CHN1: variants seen among roughly 807,000 people sequenced by gnomAD.
CHN1 encodes the protein chimerin 1.
A neutral mutation model predicts 59.5 loss-of-function variants in CHN1; 37 were observed. The observed-to-expected ratio is 0.62, with a 90% confidence interval of 0.48 to 0.82. The LOEUF is 0.82. CHN1 is among the 40% of genes least tolerant of loss of function. The probability of loss-of-function intolerance (pLI) is 0.00; values close to 1 mark genes in which losing one functional copy is unlikely to be tolerated. For missense variants in CHN1, 469 were observed against 571.0 expected (o/e 0.82, Z 1.82); for synonymous variants, 206 against 200.4 (o/e 1.03, Z -0.24).
chr2:174,855,066 T>A (rs553882954), intron 6 of CHN1, among the ~76,000 whole-genome samples: 1 of 152,308 alleles, frequency 6.6e-6, no homozygotes, highest in East Asian at 1.9e-4. Flanking sequence ...CCAATTATAC[T>A]CTTTTCCACA....
At chr2:174,835,205 G>T (rs911473647) in intron 7 of CHN1, among the ~76,000 whole-genome samples, 15 of 152,268 alleles carry the variant, frequency 9.9e-5, no homozygotes, top group African/African-American at 3.6e-4. Flanking sequence ...CCATCATAAG[G>T]TCAAAAATCA....
chr2:174,803,848 G>A (rs1286137409), intron 11 of CHN1, among the ~76,000 whole-genome samples: 1 of 152,076 alleles, frequency 6.6e-6, no homozygotes, highest in African/African-American at 2.4e-5. Context: ...ACCACTGCAC[G>A]CAGCTCTAGT....
At chr2:174,828,653 T>C (rs1360518727) in intron 7 of CHN1, among the ~76,000 whole-genome samples, 1 of 152,172 alleles carries the variant, frequency 6.6e-6, no homozygotes, top group East Asian at 1.9e-4. Flanking sequence ...AATGATGAAA[T>C]CTGAATACAA....
chr2:174,949,005 T>C (rs1689935543), intron 2 of CHN1, among the ~76,000 whole-genome samples: 1 of 152,186 alleles, frequency 6.6e-6, no homozygotes, highest in Non-Finnish European at 1.5e-5. Flanking sequence ...TTAAGGATAC[T>C]GAACAATGCC....
intron 6 of CHN1, among the ~76,000 whole-genome samples, chr2:174,866,113 G>A (rs1175634514): frequency 1.3e-5 from 2 of 152,176 alleles, no homozygotes; most frequent in East Asian, 3.8e-4. Context: ...TGCTTTTGAA[G>A]TGTTTCTATT....
intron 1 of CHN1, among the ~76,000 whole-genome samples, chr2:174,982,022 C>A (rs1212950591): frequency 1.3e-5 from 2 of 152,126 alleles, no homozygotes; most frequent in African/African-American, 4.8e-5. Flanking sequence ...GTTCAATTCC[C>A]ACCTATGAGT....
chr2:174,988,705 C>T (rs1574248308), intron 1 of CHN1, among the ~76,000 whole-genome samples: 1 of 152,098 alleles, frequency 6.6e-6, no homozygotes, highest in East Asian at 1.9e-4. Context: ...AGAAAACAGA[C>T]AGCATGTAAA....
At chr2:174,847,220 G>A in intron 6 of CHN1, 3 of 1,453,646 alleles carry the variant, frequency 2.1e-6, no homozygotes, top group South Asian at 3.1e-5. Context: ...CTGCCAGGCA[G>A]CACAGAACCC....
chr2:174,907,971 A>C (rs1688590201), intron 5 of CHN1, among the ~76,000 whole-genome samples: 1 of 152,228 alleles, frequency 6.6e-6, no homozygotes, highest in Non-Finnish European at 1.5e-5. Context: ...TCAATTACTA[A>C]AATTTTTCCA....
intron 6 of CHN1, among the ~76,000 whole-genome samples, chr2:174,875,188 T>A (rs972128679): frequency 2.0e-5 from 3 of 152,096 alleles, no homozygotes; most frequent in Non-Finnish European, 4.4e-5. Flanking sequence ...ATCAAACTTT[T>A]AAAAAAACTT....
At chr2:174,804,233 A>G (rs1684816645) in intron 11 of CHN1, among the ~76,000 whole-genome samples, 1 of 152,170 alleles carries the variant, frequency 6.6e-6, no homozygotes, top group South Asian at 2.1e-4. Flanking sequence ...GGAGCCATGC[A>G]GAGATCCTGA....
At chr2:174,998,935 T>C (rs1231416254) in intron 1 of CHN1, among the ~76,000 whole-genome samples, 1 of 152,182 alleles carries the variant, frequency 6.6e-6, no homozygotes, top group African/African-American at 2.4e-5. Flanking sequence ...TAAATTCCCA[T>C]ACCATAAAAC....
chr2:174,967,566 C>T (rs1443469950), intron 1 of CHN1, among the ~76,000 whole-genome samples: 1 of 152,036 alleles, frequency 6.6e-6, no homozygotes, highest in Non-Finnish European at 1.5e-5. Context: ...ATTCATAGCA[C>T]TTGAAATTCC....
chr2:174,910,761 G>A (rs1485774629), intron 5 of CHN1, among the ~76,000 whole-genome samples: 5 of 151,884 alleles, frequency 3.3e-5, no homozygotes, highest in African/African-American at 7.2e-5. Context: ...TTAGCCGGGC[G>A]CAGTGGCGGG....
intron 5 of CHN1, among the ~76,000 whole-genome samples, chr2:174,886,781 G>A (rs1687908418): frequency 6.6e-6 from 1 of 152,068 alleles, no homozygotes; most frequent in Non-Finnish European, 1.5e-5. Flanking sequence ...AGGACTTAGT[G>A]TTCATTAACA....
At chr2:174,891,273 T>C (rs186361718) in intron 5 of CHN1, among the ~76,000 whole-genome samples, 10 of 151,774 alleles carry the variant, frequency 6.6e-5, no homozygotes, top group Admixed American at 5.9e-4. Context: ...GAAAATATCT[T>C]GAGACAAATG....
chr2:174,825,472 C>A (rs1216999735), intron 7 of CHN1, among the ~76,000 whole-genome samples: 1 of 152,098 alleles, frequency 6.6e-6, no homozygotes, highest in Non-Finnish European at 1.5e-5. Context: ...TATTTGATTT[C>A]TTTTCCTTAA....
chr2:174,961,593 A>AAAAT (rs1201119491), intron 1 of CHN1, among the ~76,000 whole-genome samples: 2 of 151,956 alleles, frequency 1.3e-5, no homozygotes, highest in African/African-American at 2.4e-5. Context: ...CTCCGTCTCA[A>AAAAT]AAATAAATAA....
intron 4 of CHN1, 76 bp from the exon 5 acceptor site, chr2:174,915,247 C>T: frequency 9.6e-7 from 1 of 1,040,394 alleles, no homozygotes; most frequent in Non-Finnish European, 1.5e-6. Context: ...CGTCCCACCA[C>T]CACCACCTTC....
Sources: allele counts gnomAD v4.1 joint callset (sites outside exome capture counted in the v4.1 genomes callset), GRCh38; gene constraint gnomAD v4.1.1; transcripts MANE v1.5; gene names NCBI Gene and HGNC (gene_info 2026-07-23, HGNC 2026-07-21).